VPS8: variants seen among roughly 807,000 people sequenced by gnomAD.
VPS8 encodes the protein VPS8 subunit of CORVET complex, also known as vacuolar protein sorting-associated protein 8 homolog.
Under a neutral mutation model 216.4 loss-of-function variants are expected in VPS8, and 129 were observed. The ratio of observed to expected loss-of-function variants is 0.60; its 90% CI spans 0.52 to 0.69. The LOEUF is 0.69. Among genes scored for constraint, VPS8 ranks in the 30% least tolerant of loss-of-function variants. The pLI is 0.00. For missense variants in VPS8, 1,531 were observed against 1,683.5 expected (o/e 0.91, Z 1.59); for synonymous variants, 571 against 565.4 (o/e 1.01, Z -0.14).
chr3:184,828,351 C>G (rs1247151993), intron 3 of VPS8, among the ~76,000 whole-genome samples: 2 of 152,136 alleles, frequency 1.3e-5, no homozygotes, highest in Admixed American at 1.3e-4. Context: ...GTTGGCCAGG[C>G]TGGTCTCAAA....
chr3:185,016,937 A>C (rs58039326), intron 45 of VPS8, among the ~76,000 whole-genome samples: 1 of 151,950 alleles, frequency 6.6e-6, no homozygotes, highest in East Asian at 1.9e-4. Flanking sequence ...ACCATCAGAA[A>C]TGATATCCTA....
At chr3:184,900,582 A>G (rs142920313) in intron 24 of VPS8, among the ~76,000 whole-genome samples, 1 of 152,260 alleles carries the variant, frequency 6.6e-6, no homozygotes, top group African/African-American at 2.4e-5. Context: ...CTCTATTACC[A>G]CTTTAGTGGG....
chr3:184,926,652 T>G lies in VPS8; in HGVS notation c.2631+2T>G, dbSNP rs866771656. The G allele has an allele frequency of 6.3e-7, 1 of 1,599,950 alleles. No homozygotes were observed. Among genetic ancestry groups the G allele is most frequent in the East Asian group, 2.2e-5 (1 of 44,510 alleles). On this transcript the variant is annotated splice_donor_variant, in intron 31 of 47. Transcript: ENST00000625842. LOFTEE classifies it high-confidence loss of function. ...TCCCGACACTCTGAAAGACAGCAGG[T>G]ATGAACTACTAGAACTCTTTTTGCT... is the stretch of plus-strand genomic sequence containing the variant.
intron 41 of VPS8, 125 bp downstream of exon 41, chr3:184,982,772 C>T (rs769877328): frequency 1.2e-6 from 1 of 827,644 alleles, no homozygotes; most frequent in Non-Finnish European, 1.9e-6. Context: ...CTTAATGAAA[C>T]CATATAGTAT....
chr3:184,954,070 C>G (rs1745168636), intron 36 of VPS8, among the ~76,000 whole-genome samples: 1 of 152,194 alleles, frequency 6.6e-6, no homozygotes, highest in African/African-American at 2.4e-5. Flanking sequence ...CATTAATTTG[C>G]TAGAGCAGCT....
intron 9 of VPS8, 25 bp downstream of exon 9, chr3:184,849,220 C>T (rs1723784785): frequency 6.2e-7 from 1 of 1,600,650 alleles, no homozygotes; most frequent in Non-Finnish European, 8.5e-7. Context: ...TCCTTTAATT[C>T]ATAAGACAAT....
At chr3:185,035,291 CAG>C (rs1758723054) in intron 46 of VPS8, among the ~76,000 whole-genome samples, 1 of 152,078 alleles carries the variant, frequency 6.6e-6, no homozygotes, top group South Asian at 2.1e-4. Flanking sequence ...CAAAATCTGG[CAG>C]AGACACGATG....
chr3:185,043,494 C>G (rs57703211), intron 46 of VPS8, among the ~76,000 whole-genome samples: 1 of 152,274 alleles, frequency 6.6e-6, no homozygotes, highest in East Asian at 1.9e-4. Flanking sequence ...ATCAACACAA[C>G]TAATTAGTGT....
intron 45 of VPS8, among the ~76,000 whole-genome samples, chr3:185,019,516 C>T (rs1404671712): frequency 9.2e-5 from 14 of 152,148 alleles, no homozygotes; most frequent in Admixed American, 9.2e-4. Context: ...GCATTTCTTA[C>T]AGGAAATAAA....
Position 185,050,730 on chromosome 3 carries a change from C to T in VPS8, c.4138-1146C>T, listed in dbSNP as rs114880498. The stretch of plus-strand genomic sequence containing the variant: ...CACCAGAGGTTGTTAGACATCCCCT[C>T]GGACTCCTGGAGTGTTTGGTAGACA... On this transcript the variant is annotated intron_variant, in intron 47 of 47. Coordinates refer to ENST00000625842, the MANE Select transcript of VPS8 (RefSeq NM_001009921.3). Among the ~76,000 whole-genome samples the T allele has an allele frequency of 4.6e-3, 707 of 152,316 alleles. 8 individuals are homozygous for T. Among genetic ancestry groups the T allele is most frequent in the African/African-American group, 0.016 (663 of 41,576 alleles).
intron 28 of VPS8, among the ~76,000 whole-genome samples, chr3:184,919,472 G>A (rs9825856): frequency 0.53 from 80,897 of 151,848 alleles, 22,511 homozygotes; most frequent in Middle Eastern, 0.69. Context: ...TTTGTGACAC[G>A]CTGTTACATA....
At position 184,826,127 on chromosome 3, in the gene VPS8, A is replaced by C. The variant is rs114674560; in HGVS notation, c.154-36A>C. On this transcript the variant is annotated intron_variant, in intron 2 of 47. Coordinates refer to ENST00000625842, the MANE Select transcript of VPS8 (RefSeq NM_001009921.3). Reference sequence around the variant, plus strand: ...CCCTCACAATTATAAGCAGAAAGGCATCATTTTGTGAGCACTATTTTTTTT... The same window carrying C: ...CCCTCACAATTATAAGCAGAAAGGCCTCATTTTGTGAGCACTATTTTTTTT... The C allele has an allele frequency of 1.0e-3, 1,543 of 1,489,706 alleles. 15 individuals carry two copies. In the African/African-American group the frequency reaches 0.019, roughly 18 times the overall value. 92.3% of individuals were successfully genotyped at this position (1,489,706 alleles called of 1,614,324 possible). A position where few individuals can be genotyped will look rare whatever the true frequency, so the allele number is the denominator to read the frequency against.
chr3:184,993,753 G>T (rs1032937615), intron 42 of VPS8, among the ~76,000 whole-genome samples: 2 of 152,162 alleles, frequency 1.3e-5, no homozygotes, highest in African/African-American at 4.8e-5. Flanking sequence ...AATTAGATTT[G>T]TAAGGATTGT....
intron 46 of VPS8, among the ~76,000 whole-genome samples, chr3:185,025,196 A>C (rs924632046): frequency 1.3e-5 from 2 of 152,198 alleles, no homozygotes; most frequent in Non-Finnish European, 2.9e-5. Flanking sequence ...ACGGTTTTAC[A>C]CCTTATCTGA....
intron 22 of VPS8, among the ~76,000 whole-genome samples, chr3:184,892,783 T>C (rs1221787806): frequency 6.6e-6 from 1 of 152,196 alleles, no homozygotes; most frequent in Non-Finnish European, 1.5e-5. Flanking sequence ...TTTTGTAGCC[T>C]TTACTGAATT....
chr3:184,875,407 G>T (rs1729075321), intron 21 of VPS8, among the ~76,000 whole-genome samples: 1 of 152,022 alleles, frequency 6.6e-6, no homozygotes. Context: ...TTTTGGACAG[G>T]TTGTGGCTTT....
Position 185,048,097 on chromosome 3 carries a change from C to G in VPS8, c.4057-382C>G, listed in dbSNP as rs535780093. 2.6e-5 allele frequency among the ~76,000 whole-genome samples: 4 copies of G among 152,286 alleles called. No homozygotes were observed. The East Asian group carries it at 7.7e-4, about 29-fold the overall frequency. On this transcript the variant is annotated intron_variant, in intron 46 of 47. Coordinates refer to ENST00000625842, the MANE Select transcript of VPS8 (RefSeq NM_001009921.3). The stretch of plus-strand genomic sequence containing the variant: ...GACAGTGCGTCTCCTGTTACCATGA[C>G]AGAGAAAAGCGGTATCTTTGCTGGC...
At chr3:185,008,838 C>A (rs2109977121) in intron 45 of VPS8, among the ~76,000 whole-genome samples, 1 of 152,102 alleles carries the variant, frequency 6.6e-6, no homozygotes, top group Non-Finnish European at 1.5e-5. Context: ...GCCTTAAAGA[C>A]CCTGGTAAAC....
rs1421289464 is a variant in VPS8, at chr3:184,997,097, T to C, written c.3836+596T>C. 3.9e-5 allele frequency among the ~76,000 whole-genome samples: 6 copies of C among 152,296 alleles called. 1 individual carries two copies. The highest frequency in any genetic ancestry group is 4.1e-4 in the South Asian group (2 of 4,824). On this transcript the variant is annotated intron_variant, in intron 44 of 47. Coordinates refer to ENST00000625842, the MANE Select transcript of VPS8 (RefSeq NM_001009921.3). ...TTCAAGTCAGAAATCTGGAGATGTG[T>C]TGAGACTGGAAAATTTTAATTTAGA...
Sources: allele counts gnomAD v4.1 joint callset (sites outside exome capture counted in the v4.1 genomes callset), GRCh38; gene constraint gnomAD v4.1.1; transcripts MANE v1.5; gene names NCBI Gene and HGNC (gene_info 2026-07-23, HGNC 2026-07-21).